RBFOX1: variants seen among roughly 807,000 people sequenced by gnomAD.
RBFOX1 encodes RNA binding protein fox-1 homolog 1.
A neutral mutation model predicts 57.7 loss-of-function variants in RBFOX1; 8 were observed. The observed-to-expected ratio is 0.14, with a 90% CI of 0.08 to 0.25. RBFOX1 has a LOEUF of 0.25. Ranked by LOEUF, RBFOX1 falls within the 10% of genes least tolerant of loss-of-function variation. The pLI is 1.00. For synonymous variants in RBFOX1, 326 were observed against 222.4 expected (o/e 1.47, Z -4.15); for missense variants, 611 against 548.5 (o/e 1.11, Z -1.14).
chr16:6,863,269 C>G (rs990159102), intron 3 of RBFOX1, among the ~76,000 whole-genome samples: 4 of 152,112 alleles, frequency 2.6e-5, no homozygotes, highest in Non-Finnish European at 5.9e-5. Flanking sequence ...GACGAAGTAT[C>G]TTCTGGATGC....
At chr16:7,108,804 T>G (rs1019665976) in intron 4 of RBFOX1, among the ~76,000 whole-genome samples, 2 of 152,218 alleles carry the variant, frequency 1.3e-5, no homozygotes, top group African/African-American at 4.8e-5. Flanking sequence ...CATGAAGGCT[T>G]GTTTGTTGTA....
At chr16:6,760,551 A>G (rs776901457) in intron 3 of RBFOX1, among the ~76,000 whole-genome samples, 26 of 152,316 alleles carry the variant, frequency 1.7e-4, no homozygotes, top group Middle Eastern at 3.4e-3. Flanking sequence ...TTTGGAAGGA[A>G]TTGTTAGTCT....
At chr16:5,481,113 T>A (rs2069526188) in intron 2 of RBFOX1, among the ~76,000 whole-genome samples, 1 of 152,236 alleles carries the variant, frequency 6.6e-6, no homozygotes, top group South Asian at 2.1e-4. Context: ...GTTAGTTTGT[T>A]CCTCTTCTTT....
chr16:7,151,576 A>AT (rs907497318), intron 4 of RBFOX1, among the ~76,000 whole-genome samples: 5 of 152,016 alleles, frequency 3.3e-5, no homozygotes, highest in African/African-American at 1.2e-4. Flanking sequence ...ATGGAAGACA[A>AT]TTTTTTCCAG....
chr16:7,686,644 A>G (rs916221412), intron 14 of RBFOX1, among the ~76,000 whole-genome samples: 1 of 152,116 alleles, frequency 6.6e-6, no homozygotes, highest in African/African-American at 2.4e-5. Flanking sequence ...ACTTGCACAA[A>G]AGGTCTGGGA....
intron 3 of RBFOX1, among the ~76,000 whole-genome samples, chr16:6,869,300 A>G (rs982475242): frequency 2.6e-5 from 4 of 152,154 alleles, no homozygotes; most frequent in South Asian, 2.1e-4. Context: ...AATACTTATT[A>G]TATCTTGCCA....
At chr16:6,375,574 C>G (rs1188846133) in intron 2 of RBFOX1, among the ~76,000 whole-genome samples, 1 of 152,036 alleles carries the variant, frequency 6.6e-6, no homozygotes, top group African/African-American at 2.4e-5. Flanking sequence ...GGAAAAGACC[C>G]CTGTGGATTC....
chr16:5,976,827 C>T (rs945335688), intron 4 of RBFOX1, among the ~76,000 whole-genome samples: 4 of 152,148 alleles, frequency 2.6e-5, no homozygotes, highest in African/African-American at 9.7e-5. Context: ...CAAAATCATG[C>T]CACTGCACTT....
intron 3 of RBFOX1, among the ~76,000 whole-genome samples, chr16:6,956,214 C>G (rs190144437): frequency 2.0e-5 from 3 of 152,074 alleles, no homozygotes; most frequent in African/African-American, 4.8e-5. Context: ...CACAGGAGAT[C>G]GTGCAGAGAG....
chr16:5,726,681 A>G (rs946782628), intron 3 of RBFOX1, among the ~76,000 whole-genome samples: 3 of 152,194 alleles, frequency 2.0e-5, no homozygotes, highest in African/African-American at 7.2e-5. Context: ...ACTCTACTGT[A>G]TTATTTGCAA....
intron 3 of RBFOX1, among the ~76,000 whole-genome samples, chr16:6,829,635 T>C (rs1348347300): frequency 6.6e-6 from 1 of 152,130 alleles, no homozygotes; most frequent in Non-Finnish European, 1.5e-5. Flanking sequence ...GGAGTCTCGC[T>C]CTGTCACCCA....
chr16:6,339,989 T>A (rs1271507450), intron 2 of RBFOX1, among the ~76,000 whole-genome samples: 3 of 152,164 alleles, frequency 2.0e-5, no homozygotes, highest in Admixed American at 6.5e-5. Flanking sequence ...TCTTAAGCAA[T>A]TCTTAAACAA....
chr16:6,182,285 C>T lies in RBFOX1; in HGVS notation c.-126-134710C>T, dbSNP rs112981937. Reference sequence around the variant, plus strand: ...TTATTGGCTTCTAATTTAGTTTTTTCCCCCAATTTTACTCTGTTCTCTCTC... The same window carrying T: ...TTATTGGCTTCTAATTTAGTTTTTTTCCCCAATTTTACTCTGTTCTCTCTC... On this transcript the variant is annotated intron_variant, in intron 1 of 15. Transcript: ENST00000550418. Among the ~76,000 whole-genome samples the T allele has an allele frequency of 4.9e-3, 749 of 152,160 alleles. 7 individuals are homozygous for T. The highest frequency in any genetic ancestry group is 0.017 in the African/African-American group (690 of 41,534).
intron 2 of RBFOX1, among the ~76,000 whole-genome samples, chr16:6,608,397 A>G (rs567313568): frequency 6.6e-6 from 1 of 152,320 alleles, no homozygotes; most frequent in African/African-American, 2.4e-5. Flanking sequence ...ATGTTTATAC[A>G]CATTAGTTTT....
chr16:7,159,729 C>G (rs1204872249), intron 4 of RBFOX1, among the ~76,000 whole-genome samples: 1 of 152,152 alleles, frequency 6.6e-6, no homozygotes, highest in African/African-American at 2.4e-5. Context: ...GTTGGATAGC[C>G]TGACAAGACC....
intron 4 of RBFOX1, among the ~76,000 whole-genome samples, chr16:7,449,909 A>G (rs185370102): frequency 6.6e-5 from 10 of 152,188 alleles, no homozygotes; most frequent in African/African-American, 2.4e-4. Context: ...ACACTATGAA[A>G]CATATGAGAG....
intron 4 of RBFOX1, among the ~76,000 whole-genome samples, chr16:7,131,411 T>G (rs1245755133): frequency 6.7e-6 from 1 of 149,098 alleles, no homozygotes. Context: ...CAGTGCCTAC[T>G]TATGTTTTAA....
chr16:6,396,623 C>T (rs2092847750), intron 2 of RBFOX1, among the ~76,000 whole-genome samples: 1 of 152,096 alleles, frequency 6.6e-6, no homozygotes, highest in Non-Finnish European at 1.5e-5. Flanking sequence ...AGTGTGAATC[C>T]AGCAAGTTAA....
At chr16:6,585,067 A>C (rs1331000176) in intron 2 of RBFOX1, among the ~76,000 whole-genome samples, 3 of 152,194 alleles carry the variant, frequency 2.0e-5, no homozygotes, top group South Asian at 2.1e-4. Context: ...TCTCTGAGAC[A>C]CAGAGAGCTT....
Sources: allele counts gnomAD v4.1 joint callset (sites outside exome capture counted in the v4.1 genomes callset), GRCh38; gene constraint gnomAD v4.1.1; transcripts MANE v1.5; gene names NCBI Gene and HGNC (gene_info 2026-07-23, HGNC 2026-07-21).